Variants in SASH1 observed in about 807,000 individuals in gnomAD.
The protein encoded by SASH1 is SAM and SH3 domain-containing protein 1.
Under a neutral mutation model 125.2 loss-of-function variants are expected in SASH1, and 44 were observed. That is an observed-to-expected ratio of 0.35 (90% confidence interval 0.28 to 0.45). SASH1 has a LOEUF of 0.45. Among genes scored for constraint, SASH1 ranks in the 20% least tolerant of loss-of-function variants. The pLI is 1.00. For missense variants in SASH1, 1,426 were observed against 1,614.5 expected (o/e 0.88, Z 2.00); for synonymous variants, 639 against 649.1 (o/e 0.98, Z 0.24).
intron 9 of SASH1, among the ~76,000 whole-genome samples, chr6:148,516,038 T>G (rs1203685263): frequency 6.6e-6 from 1 of 152,236 alleles, no homozygotes; most frequent in East Asian, 1.9e-4. Context: ...TTTGCACATT[T>G]ATTTCAGAAT....
intron 11 of SASH1, chr6:148,527,131 CA>C: frequency 5.2e-6 from 1 of 193,590 alleles, no homozygotes; most frequent in East Asian, 1.6e-4. Flanking sequence ...CTCAGCCTCC[CA>C]AAGGTAAATC....
chr6:148,469,250 CTCA>C (rs371542365), intron 5 of SASH1: 29 of 152,284 alleles, frequency 1.9e-4, no homozygotes, highest in African/African-American at 6.7e-4. Flanking sequence ...CCTCAGTTTT[CTCA>C]TCTGCTAGGT....
chr6:148,280,078 C>A lies in SASH1; in HGVS notation n.74+7701C>A, dbSNP rs142421639. On this transcript the variant is annotated intron_variant and non_coding_transcript_variant, in intron 1 of 3. Coordinates refer to the SASH1 transcript ENST00000367469. Reference sequence around the variant, plus strand: ...CATCATTCCCCCCCATCATTCCCCCCCGACATAACAAAAGAAAAAAAAGAT... The same window carrying A: ...CATCATTCCCCCCCATCATTCCCCCACGACATAACAAAAGAAAAAAAAGAT... Among the ~76,000 whole-genome samples, 968 of 121,220 alleles carry A rather than the reference C, an allele frequency of 8.0e-3. 15 individuals carry two copies. Among genetic ancestry groups the A allele is most frequent in the African/African-American group, 0.029 (935 of 32,142 alleles). 79.5% of individuals were successfully genotyped at this position (121,220 alleles called of 152,430 possible). A position where few individuals can be genotyped will look rare whatever the true frequency, so the allele number is the denominator to read the frequency against.
chr6:148,454,251 C>T (rs962893498), intron 4 of SASH1, among the ~76,000 whole-genome samples: 1 of 152,104 alleles, frequency 6.6e-6, no homozygotes, highest in African/African-American at 2.4e-5. Context: ...CGCTGTGGGC[C>T]CAGCTGCTGC....
chr6:148,526,067 TTTTTTTTTTA>T (rs1295735727), intron 11 of SASH1, among the ~76,000 whole-genome samples: 3 of 140,456 alleles, frequency 2.1e-5, no homozygotes, highest in African/African-American at 8.7e-5. Flanking sequence ...TTTTTTTTTT[TTTTTTTTTTA>T]AGATGGAGTC....
chr6:148,313,508 A>T (rs1356678368), intron 1 of SASH1, among the ~76,000 whole-genome samples: 1 of 152,226 alleles, frequency 6.6e-6, no homozygotes, highest in Non-Finnish European at 1.5e-5. Flanking sequence ...GATTTCTGGC[A>T]AAGAAGGGTA....
At chr6:148,514,070 C>G in intron 8 of SASH1, 3 of 1,206,428 alleles carry the variant, frequency 2.5e-6, no homozygotes, top group Non-Finnish European at 3.1e-6. Context: ...GATGCCCCCA[C>G]AGGCCACTTG....
At chr6:148,284,878 T>G (rs1779441868) in intron 1 of SASH1, among the ~76,000 whole-genome samples, 1 of 152,252 alleles carries the variant, frequency 6.6e-6, no homozygotes, top group African/African-American at 2.4e-5. Flanking sequence ...GAAATGGCAC[T>G]TCTTGGCCAA....
At chr6:148,253,691 T>A in the SASH1 span, among the ~76,000 whole-genome samples, 2 of 151,870 alleles carry the variant, frequency 1.3e-5, no homozygotes, top group Non-Finnish European at 2.9e-5. Context: ...GCCAACATGG[T>A]GAAACCCCAT....
the SASH1 span, among the ~76,000 whole-genome samples, chr6:148,239,313 C>A: frequency 6.6e-6 from 1 of 152,184 alleles, no homozygotes; most frequent in Admixed American, 6.5e-5. Context: ...ATATAATAAT[C>A]CTGTCCCGTT....
At chr6:148,325,872 C>T (rs1365860943) in intron 1 of SASH1, among the ~76,000 whole-genome samples, 1 of 152,054 alleles carries the variant, frequency 6.6e-6, no homozygotes, top group Non-Finnish European at 1.5e-5. Flanking sequence ...ATGGTAACCT[C>T]TTGCCTGGAT....
chr6:148,482,727 C>T lies in SASH1; in HGVS notation c.628-4887C>T, dbSNP rs376790826. The stretch of plus-strand genomic sequence containing the variant: ...TTTTTGAGAGAGAGTCTTGCTCTGT[C>T]GCCCAGGCTAGAGTGCAGTGGCGCG... On this transcript the variant is annotated intron_variant, in intron 7 of 19. Transcript: ENST00000367467. Among the ~76,000 whole-genome samples, 56 of 130,618 alleles carry T rather than the reference C, an allele frequency of 4.3e-4. 1 individual carries two copies. The South Asian group carries it at 0.01, about 24-fold the overall frequency. The allele number at this position is 130,618 out of a possible 152,430, so 85.7% of individuals were successfully genotyped here.
At chr6:148,484,297 G>A (rs1301841683) in intron 7 of SASH1, among the ~76,000 whole-genome samples, 5 of 152,014 alleles carry the variant, frequency 3.3e-5, no homozygotes, top group Non-Finnish European at 7.4e-5. Context: ...AAAACAATGA[G>A]ATTTGGGAAC....
At chr6:148,540,604 T>C (rs746960619) in intron 17 of SASH1, 48 bp downstream of exon 17, 1 of 1,381,242 alleles carries the variant, frequency 7.2e-7, no homozygotes, top group Non-Finnish European at 1.0e-6. Context: ...AAGTACTGAT[T>C]TCAAAGCACA....
chr6:148,335,738 C>T (rs1224126224), intron 1 of SASH1, among the ~76,000 whole-genome samples: 2 of 152,030 alleles, frequency 1.3e-5, no homozygotes, highest in African/African-American at 2.4e-5. Flanking sequence ...ATGATGACAG[C>T]GATGGTTACT....
chr6:148,200,327 G>A, the SASH1 span, among the ~76,000 whole-genome samples: 10 of 152,322 alleles, frequency 6.6e-5, no homozygotes, highest in East Asian at 1.7e-3. Flanking sequence ...AGTCTGTCTT[G>A]AATATGTTAA....
At chr6:148,368,261 C>T (rs1286873184) in intron 1 of SASH1, among the ~76,000 whole-genome samples, 2 of 151,550 alleles carry the variant, frequency 1.3e-5, no homozygotes, top group African/African-American at 4.9e-5. Flanking sequence ...GATTTGAAGC[C>T]AGGATCTGCT....
chr6:148,487,539 G>A, intron 7 of SASH1, 75 bp from the exon 8 acceptor site: 2 of 1,050,750 alleles, frequency 1.9e-6, no homozygotes, highest in Non-Finnish European at 2.9e-6. Context: ...TATTATTTGA[G>A]TCATTTCCCT....
At chr6:148,305,364 T>C (rs1452532542) in intron 1 of SASH1, among the ~76,000 whole-genome samples, 1 of 151,618 alleles carries the variant, frequency 6.6e-6, no homozygotes, top group Non-Finnish European at 1.5e-5. Flanking sequence ...TCCCAGCACT[T>C]CGGGAAACCG....
Sources: allele counts gnomAD v4.1 joint callset (sites outside exome capture counted in the v4.1 genomes callset), GRCh38; gene constraint gnomAD v4.1.1; transcripts MANE v1.5; gene names NCBI Gene and HGNC (gene_info 2026-07-23, HGNC 2026-07-21).